KIAA1549L: variants seen among roughly 807,000 people sequenced by gnomAD.
KIAA1549L encodes KIAA1549 like, also known as UPF0606 protein KIAA1549L.
In KIAA1549L, 88 loss-of-function variants were observed where a neutral mutation model predicts 160.7. The observed-to-expected ratio is 0.55, with a 90% CI of 0.46 to 0.65. The LOEUF is 0.65. Among genes scored for constraint, KIAA1549L ranks in the 30% least tolerant of loss-of-function variants. The probability of loss-of-function intolerance (pLI) is 0.00; values close to 1 mark genes in which losing one functional copy is unlikely to be tolerated. For missense variants in KIAA1549L, 2,258 were observed against 2,437.5 expected (o/e 0.93, Z 1.55); for synonymous variants, 950 against 976.7 (o/e 0.97, Z 0.51).
At chr11:33,575,485 A>C (rs1375108978) in intron 10 of KIAA1549L, among the ~76,000 whole-genome samples, 1 of 152,200 alleles carries the variant, frequency 6.6e-6, no homozygotes, top group Non-Finnish European at 1.5e-5. Context: ...TACTTCACCT[A>C]GATTTTCTCA....
intron 6 of KIAA1549L, among the ~76,000 whole-genome samples, chr11:33,553,851 C>T (rs1854556020): frequency 6.6e-6 from 1 of 152,164 alleles, no homozygotes; most frequent in Admixed American, 6.5e-5. Context: ...AAGAAGCCTC[C>T]TTGTGTTGTT....
chr11:33,652,484 C>T (rs928735596), intron 17 of KIAA1549L, among the ~76,000 whole-genome samples: 17 of 152,174 alleles, frequency 1.1e-4, no homozygotes, highest in African/African-American at 3.6e-4. Context: ...AATTCCCTTG[C>T]TGCTTGTCAG....
At chr11:33,599,255 G>A (rs1265569884) in intron 13 of KIAA1549L, 7 of 171,336 alleles carry the variant, frequency 4.1e-5, no homozygotes, top group Non-Finnish European at 8.7e-5. Context: ...TCTCTAGTTA[G>A]AAATCCTCTA....
At chr11:33,486,017 C>G (rs1852517687) in intron 1 of KIAA1549L, among the ~76,000 whole-genome samples, 1 of 152,144 alleles carries the variant, frequency 6.6e-6, no homozygotes, top group African/African-American at 2.4e-5. Flanking sequence ...TTTATCCATT[C>G]ATCTGTTAGT....
chr11:33,516,699 C>CA (rs932166220), intron 1 of KIAA1549L, among the ~76,000 whole-genome samples: 2 of 152,162 alleles, frequency 1.3e-5, no homozygotes, highest in South Asian at 2.1e-4. Flanking sequence ...AACAAACAAA[C>CA]AAAAAACACC....
intron 19 of KIAA1549L, among the ~76,000 whole-genome samples, chr11:33,660,649 A>G (rs1457886596): frequency 6.6e-6 from 1 of 152,134 alleles, no homozygotes; most frequent in Non-Finnish European, 1.5e-5. Flanking sequence ...CTTAGCCATC[A>G]TGGCCAGGTC....
rs774771087 is a variant in KIAA1549L at position 33,668,037 on chromosome 11, C to T, written c.6324C>T (p.Asn2108=). ...TAASQQSLAE[N]DPSDAPLTNI... ...CCTCGCAGCAGAGCCTGGCAGAAAA[C>T]GACCCGTCTGACGCTCCCCTGACCA... Residue 2108 remains asparagine, a synonymous_variant, in exon 21 of 21, where the codon AAC becomes AAT. Coordinates refer to ENST00000658780, the MANE Select transcript of KIAA1549L (RefSeq NM_012194.3). 20 of 1,613,902 alleles carry T rather than the reference C, an allele frequency of 1.2e-5. No individual in the cohort carries two copies. Among genetic ancestry groups the T allele is most frequent in the South Asian group, 9.9e-5 (9 of 91,092 alleles).
rs1453897750 is a variant in KIAA1549L at position 33,607,834 on chromosome 11, A to G, written c.5061+1012A>G. ...AGCAACTCTTGTTTTCTGGGCAGAA[A>G]GACTGAGATGGCCTAAAGATGTGAT... is the stretch of plus-strand genomic sequence containing the variant. On this transcript the variant is annotated intron_variant, in intron 14 of 20. Coordinates refer to ENST00000658780, the MANE Select transcript of KIAA1549L (RefSeq NM_012194.3). 4.6e-5 allele frequency among the ~76,000 whole-genome samples: 7 copies of G among 152,336 alleles called. No individual in the cohort carries two copies. The East Asian group carries it at 1.3e-3, about 29-fold the overall frequency.
chr11:33,587,811 A>G (rs1849925814), intron 11 of KIAA1549L, among the ~76,000 whole-genome samples: 1 of 152,164 alleles, frequency 6.6e-6, no homozygotes, highest in South Asian at 2.1e-4. Context: ...AGCTTTCCCT[A>G]TCATTAGGTT....
chr11:33,427,524 C>CTATT (rs1851144056), intron 1 of KIAA1549L, among the ~76,000 whole-genome samples: 1 of 152,156 alleles, frequency 6.6e-6, no homozygotes, highest in Non-Finnish European at 1.5e-5. Flanking sequence ...CCCTCCGTCC[C>CTATT]TATTTCTCCT....
chr11:33,560,818 A>G (rs1827182288), intron 7 of KIAA1549L, among the ~76,000 whole-genome samples: 1 of 152,184 alleles, frequency 6.6e-6, no homozygotes, highest in East Asian at 1.9e-4. Flanking sequence ...TACTTAGCAC[A>G]TGGCAGCCAC....
intron 15 of KIAA1549L, among the ~76,000 whole-genome samples, chr11:33,614,514 A>G: frequency 1.0e-5 from 1 of 99,938 alleles, no homozygotes; most frequent in Non-Finnish European, 1.9e-5. Context: ...TCCTCTTGGG[A>G]TCTGTGAGTG....
chr11:33,631,805 A>C (rs1299343282), intron 16 of KIAA1549L, among the ~76,000 whole-genome samples: 1 of 152,122 alleles, frequency 6.6e-6, no homozygotes, highest in Admixed American at 6.6e-5. Context: ...TTCCCCATGC[A>C]ACTCCTCGAG....
Position 33,543,667 on chromosome 11 carries a change from G to A in KIAA1549L, c.2104G>A (p.Ala702Thr). ...AGATGTTTTCTGGAGTTCTCTTTCAGCAGAAACTGGATCTCTTTCCACAGA... is the reference window on the plus strand; with the variant it reads ...AGATGTTTTCTGGAGTTCTCTTTCAACAGAAACTGGATCTCTTTCCACAGA... ...TTDVFWSSLS[A>T]ETGSLSTESI... is the part of the protein sequence containing the mutation. Residue 702 changes from alanine to threonine, a missense_variant, in exon 2 of 21, where the codon GCA becomes ACA. Around this residue, in one of 6 missense-constraint regions of KIAA1549L, gnomAD observed 287 missense variants for 292.3 expected, o/e 0.98. Transcript: ENST00000658780. 6.2e-7 allele frequency: 1 copy of A among 1,613,954 alleles called. No individual in the cohort carries two copies. Among genetic ancestry groups the A allele is most frequent in the Non-Finnish European group, 8.5e-7 (1 of 1,179,876 alleles).
At chr11:33,423,424 A>G (rs1175545294) in intron 1 of KIAA1549L, among the ~76,000 whole-genome samples, 2 of 152,210 alleles carry the variant, frequency 1.3e-5, no homozygotes, top group South Asian at 2.1e-4. Context: ...GGTTTTAAGA[A>G]GGAATGAGGT....
chr11:33,583,066 C>G (rs1208303857), intron 10 of KIAA1549L, among the ~76,000 whole-genome samples: 1 of 152,212 alleles, frequency 6.6e-6, no homozygotes, highest in African/African-American at 2.4e-5. Context: ...GTAGTGAACT[C>G]TAGCATTTAC....
chr11:33,415,950 T>C (rs1260437161), intron 1 of KIAA1549L, among the ~76,000 whole-genome samples: 5 of 152,046 alleles, frequency 3.3e-5, no homozygotes, highest in African/African-American at 9.7e-5. Flanking sequence ...CTTATCAGTA[T>C]TTAAAAGACC....
chr11:33,658,881 C>T lies in KIAA1549L; in HGVS notation c.5990C>T (p.Ser1997Leu), dbSNP rs763132931. The T allele has an allele frequency of 9.0e-6, 14 of 1,557,246 alleles. No homozygotes were observed. Among genetic ancestry groups the T allele is most frequent in the East Asian group, 2.4e-5 (1 of 41,256 alleles). Residue 1997 changes from serine (S) to leucine (L), a missense_variant, in exon 19 of 21, where the codon TCG (serine) becomes TTG (leucine). By Grantham distance (145) the Ser-to-Leu change is moderately radical. This residue lies in a region of KIAA1549L where 1,359 missense variants were observed against 1,546.6 expected (regional missense o/e 0.88). Transcript: ENST00000658780. ...GPVSVTQLDQSALNYSGNTVP... is the reference protein window; with the variant it reads ...GPVSVTQLDQLALNYSGNTVP... ...GTGTCCGTGACGCAGTTGGATCAGT[C>T]GGCTTTAAATTACTCAGGTGGGCAA... is the stretch of plus-strand genomic sequence containing the variant.
chr11:33,387,161 T>A (rs1850190010), intron 1 of KIAA1549L, among the ~76,000 whole-genome samples: 2 of 152,146 alleles, frequency 1.3e-5, no homozygotes, highest in South Asian at 4.1e-4. Flanking sequence ...TTCCCACTTC[T>A]GCTTTATGGA....
Sources: gnomAD v4.1 joint callset for allele counts (sites outside exome capture counted in the v4.1 genomes callset) on GRCh38, gnomAD v4.1.1 for gene constraint, gnomAD v4.1.1 regional missense constraint, MANE v1.5 for transcripts, NCBI Gene and HGNC (gene_info 2026-07-23, HGNC 2026-07-21) for gene names.